PIGB: variants seen among roughly 807,000 people sequenced by gnomAD.
PIGB encodes the protein phosphatidylinositol glycan anchor biosynthesis class B.
Under a neutral mutation model 68.4 loss-of-function variants are expected in PIGB, and 58 were observed. That is an observed-to-expected ratio of 0.85 (90% CI 0.69 to 1.06). PIGB has a LOEUF of 1.06. Among genes scored for constraint, PIGB ranks in the 50% least tolerant of loss-of-function variants. The probability of loss-of-function intolerance (pLI) is 0.00; values close to 1 mark genes in which losing one functional copy is unlikely to be tolerated. For missense variants in PIGB, 634 were observed against 655.8 expected (o/e 0.97, Z 0.36); for synonymous variants, 219 against 220.5 (o/e 0.99, Z 0.06).
At position 55,319,233 on chromosome 15, in the gene PIGB, G is replaced by A. The variant is rs779298081; in HGVS notation, c.-18G>A. 1.3e-6 allele frequency: 2 copies of A among 1,598,254 alleles called. No homozygotes were observed. Among genetic ancestry groups the A allele is most frequent in the Admixed American group, 1.7e-5 (1 of 57,618 alleles). On this transcript the variant is annotated 5_prime_UTR_variant, in exon 1 of 12. Coordinates refer to ENST00000164305, the MANE Select transcript of PIGB (RefSeq NM_004855.5). ...GCTACTGCAGCTTTCTTCCGCCTTA[G>A]GAAGGTGGCGGCCAGGGATGAGGAG... is the stretch of plus-strand genomic sequence containing the variant.
chr15:55,355,230 A>C, intron 11 of PIGB, 56 bp from the exon 12 acceptor site: 3 of 1,407,976 alleles, frequency 2.1e-6, no homozygotes, highest in South Asian at 2.5e-5. Flanking sequence ...AAATTGACTG[A>C]AACAGTACTC....
rs1595765228 is a variant in PIGB, at chr15:55,321,221, A to C, written c.300-52A>C. On this transcript the variant is annotated intron_variant, in intron 2 of 11. Coordinates refer to ENST00000164305, the MANE Select transcript of PIGB (RefSeq NM_004855.5). ...AGACCCCATCTTAAAAAAAAAAAAA[A>C]CACGGAAATAGGTTTCAATATTATT... is the stretch of plus-strand genomic sequence containing the variant. The C allele has an allele frequency of 1.1e-5, 16 of 1,446,732 alleles. No individual in the cohort carries two copies. The South Asian group carries it at 1.3e-4, about 12-fold the overall frequency. The allele number at this position is 1,446,732 out of a possible 1,614,324, so 89.6% of individuals were successfully genotyped here. A position where few individuals can be genotyped will look rare whatever the true frequency, so the allele number is the denominator to read the frequency against.
Position 55,333,971 on chromosome 15 carries a change from A to G in PIGB, c.758A>G (p.Lys253Arg). ...AGACATTTCTGTCAAGAACCAAGAA[A>G]GCTTGATCTTATTCTACATCATTTT... is the stretch of plus-strand genomic sequence containing the variant. ...LFRHFCQEPR[K>R]LDLILHHFLP... Residue 253 changes from lysine (K) to arginine (R), a missense_variant, in exon 6 of 12, where the codon AAG becomes AGG. Transcript: ENST00000164305. 1 of 1,606,902 alleles carries G rather than the reference A, an allele frequency of 6.2e-7. No homozygotes were observed. The highest frequency in any genetic ancestry group is 1.3e-5 in the African/African-American group (1 of 74,712).
chr15:55,353,886 T>C (rs1304937129), intron 10 of PIGB, among the ~76,000 whole-genome samples: 2 of 152,000 alleles, frequency 1.3e-5, no homozygotes, highest in South Asian at 2.1e-4. Context: ...ATTACAGGCA[T>C]AAGCCACTGC....
intron 1 of PIGB, chr15:55,320,026 T>C: frequency 3.3e-6 from 1 of 305,788 alleles, no homozygotes; most frequent in East Asian, 5.6e-5. Flanking sequence ...TTTTTTTGTA[T>C]TTATTTTAAT....
At chr15:55,338,878 C>T (rs2055597506) in intron 6 of PIGB, among the ~76,000 whole-genome samples, 1 of 152,162 alleles carries the variant, frequency 6.6e-6, no homozygotes, top group African/African-American at 2.4e-5. Context: ...ACTGTAGCCC[C>T]TGCTAAGAGC....
At chr15:55,351,037 A>G (rs377691616) in intron 10 of PIGB, 125 bp downstream of exon 10, 69 of 601,400 alleles carry the variant, frequency 1.1e-4, no homozygotes, top group South Asian at 6.6e-4. Flanking sequence ...AAACTCCCAC[A>G]TATTTATTCA....
intron 7 of PIGB, chr15:55,340,138 A>G (rs1414985823): frequency 2.8e-5 from 4 of 142,616 alleles, no homozygotes; most frequent in Non-Finnish European, 6.4e-5. Flanking sequence ...AATAACAGTT[A>G]AGAAGGATTT....
At chr15:55,333,133 A>T (rs2055455869) in intron 5 of PIGB, among the ~76,000 whole-genome samples, 2 of 152,166 alleles carry the variant, frequency 1.3e-5, no homozygotes. Context: ...GTTATGAGGT[A>T]AAAAGCATGC....
At chr15:55,323,707 A>T (rs1350256881) in intron 3 of PIGB, among the ~76,000 whole-genome samples, 2 of 152,292 alleles carry the variant, frequency 1.3e-5, no homozygotes, top group East Asian at 3.8e-4. Flanking sequence ...GATGAAATTA[A>T]TTTTACCTGT....
intron 10 of PIGB, chr15:55,351,603 G>A (rs1332515918): frequency 6.6e-6 from 1 of 151,526 alleles, no homozygotes; most frequent in African/African-American, 2.4e-5. Flanking sequence ...CGGGCGCCGT[G>A]GCTCACGCCT....
chr15:55,326,180 G>C (rs1244867553), intron 3 of PIGB, among the ~76,000 whole-genome samples: 4 of 147,410 alleles, frequency 2.7e-5, no homozygotes, highest in African/African-American at 1.0e-4. Flanking sequence ...CTGGGCAACA[G>C]AGCGAGACTC....
chr15:55,324,923 C>A (rs981226293), intron 3 of PIGB: 1 of 445,584 alleles, frequency 2.2e-6, no homozygotes, highest in Non-Finnish European at 3.0e-6. Context: ...CCAATTTTAG[C>A]ATTTATTTAC....
chr15:55,329,172 T>C (rs2055357756), intron 4 of PIGB, among the ~76,000 whole-genome samples: 1 of 152,264 alleles, frequency 6.6e-6, no homozygotes, highest in African/African-American at 2.4e-5. Flanking sequence ...AACTGATTCA[T>C]TAATTTAGTC....
At chr15:55,354,063 G>A (rs1335184842) in intron 10 of PIGB, among the ~76,000 whole-genome samples, 2 of 151,386 alleles carry the variant, frequency 1.3e-5, no homozygotes, top group Non-Finnish European at 2.9e-5. Flanking sequence ...TGTAATCCCA[G>A]CACTTTGGAA....
intron 3 of PIGB, among the ~76,000 whole-genome samples, chr15:55,321,707 C>T (rs1212654022): frequency 7.9e-6 from 1 of 126,612 alleles, no homozygotes; most frequent in Non-Finnish European, 1.6e-5. Context: ...GGCTGGAGTG[C>T]AATGGCGTGA....
At chr15:55,354,070 G>A (rs2056003413) in intron 10 of PIGB, among the ~76,000 whole-genome samples, 1 of 151,516 alleles carries the variant, frequency 6.6e-6, no homozygotes, top group Admixed American at 6.6e-5. Context: ...CCAGCACTTT[G>A]GAAGGCTGAG....
intron 5 of PIGB, among the ~76,000 whole-genome samples, chr15:55,331,179 C>T (rs9920058): frequency 0.32 from 48,739 of 151,926 alleles, 8,658 homozygotes; most frequent in East Asian, 0.56. Context: ...TCACGTTCAG[C>T]TTGAGAGAAT....
intron 9 of PIGB, among the ~76,000 whole-genome samples, chr15:55,345,811 T>C (rs1243370106): frequency 6.6e-6 from 1 of 152,178 alleles, no homozygotes; most frequent in Non-Finnish European, 1.5e-5. Flanking sequence ...ACCCTCATTA[T>C]GGTTAGTAGT....
Sources: gnomAD v4.1 joint callset for allele counts (sites outside exome capture counted in the v4.1 genomes callset) on GRCh38, gnomAD v4.1.1 for gene constraint, MANE v1.5 for transcripts, NCBI Gene and HGNC (gene_info 2026-07-23, HGNC 2026-07-21) for gene names.